Variants in AGBL4 observed in about 807,000 individuals in gnomAD.
The protein encoded by AGBL4 is AGBL carboxypeptidase 4, also known as cytosolic carboxypeptidase 6.
In AGBL4, 58 loss-of-function variants were observed where a neutral mutation model predicts 66.4. The ratio of observed to expected loss-of-function variants is 0.87; its 90% CI spans 0.71 to 1.09. The LOEUF is 1.09. AGBL4 is among the 50% of genes least tolerant of loss of function. The probability of loss-of-function intolerance (pLI) is 0.00; values close to 1 mark genes in which losing one functional copy is unlikely to be tolerated. For missense variants in AGBL4, 579 were observed against 631.0 expected, an observed-to-expected ratio of 0.92 and a Z score of 0.88; for synonymous variants, 234 against 222.9, an observed-to-expected ratio of 1.05 and a Z score of -0.44.
Position 49,584,023 on chromosome 1 carries a change from T to C in AGBL4, c.282+113290A>G, listed in dbSNP as rs1170719890. On this transcript the variant is annotated intron_variant, in intron 3 of 13. Coordinates refer to ENST00000371839, the MANE Select transcript of AGBL4 (RefSeq NM_032785.4). Reference sequence around the variant, plus strand: ...CATTTACTCCTTGTTCTCAGTACTCTTGTTGCCTTATTTTTTTCCTTCTCC... The same window carrying C: ...CATTTACTCCTTGTTCTCAGTACTCCTGTTGCCTTATTTTTTTCCTTCTCC... 2.0e-5 allele frequency among the ~76,000 whole-genome samples: 3 copies of C among 152,234 alleles called. No homozygotes were observed. The East Asian group carries it at 5.8e-4, about 29-fold the overall frequency.
At chr1:49,082,000 A>G (rs983224453) in intron 4 of AGBL4, among the ~76,000 whole-genome samples, 2 of 152,202 alleles carry the variant, frequency 1.3e-5, no homozygotes, top group African/African-American at 4.8e-5. Flanking sequence ...AAGGTAGAAA[A>G]CAAGATCAAT....
At chr1:49,283,998 A>G (rs1363684303) in intron 3 of AGBL4, among the ~76,000 whole-genome samples, 19 of 149,138 alleles carry the variant, frequency 1.3e-4, no homozygotes, top group African/African-American at 4.7e-4. Context: ...GCCAACGTTC[A>G]GATTCAGGAA....
intron 4 of AGBL4, among the ~76,000 whole-genome samples, chr1:49,122,749 T>G (rs1276826111): frequency 2.6e-5 from 4 of 152,210 alleles, no homozygotes; most frequent in Admixed American, 2.6e-4. Context: ...TAATCCTAAC[T>G]TTTAATGTTT....
chr1:48,777,448 C>T lies in AGBL4; in HGVS notation c.634+89743G>A, dbSNP rs113523844. 2.1e-3 allele frequency among the ~76,000 whole-genome samples: 312 copies of T among 152,168 alleles called. 5 individuals are homozygous for T. The highest frequency in any genetic ancestry group is 6.8e-3 in the African/African-American group (282 of 41,526). On this transcript the variant is annotated intron_variant, in intron 6 of 13. Coordinates refer to ENST00000371839, the MANE Select transcript of AGBL4 (RefSeq NM_032785.4). ...CGCCCCCAGCCCCGCACCCTCCCCG[C>T]GCCTTTCCCAGCCCTTAGTTTGGCC... is the stretch of plus-strand genomic sequence containing the variant.
In AGBL4 at chr1:48,825,406, C is replaced by A. The variant is rs184683380; in HGVS notation, c.634+41785G>T. On this transcript the variant is annotated intron_variant, in intron 6 of 13. Coordinates refer to ENST00000371839, the MANE Select transcript of AGBL4 (RefSeq NM_032785.4). ...CTCAGAAAAGCCCTCCTTGATATCC[C>A]AGCATAACTAGGACTTTGTGGCACA... Among the ~76,000 whole-genome samples the A allele has an allele frequency of 8.9e-4, 136 of 152,266 alleles. 1 individual carries two copies. Among genetic ancestry groups the A allele is most frequent in the African/African-American group, 3.0e-3 (126 of 41,532 alleles).
chr1:49,247,983 A>C (rs192600971), intron 3 of AGBL4, among the ~76,000 whole-genome samples: 1 of 152,254 alleles, frequency 6.6e-6, no homozygotes, highest in East Asian at 1.9e-4. Flanking sequence ...TACCTTCTCT[A>C]TAATATTACA....
At chr1:49,174,088 T>A (rs1646787824) in intron 4 of AGBL4, among the ~76,000 whole-genome samples, 1 of 152,104 alleles carries the variant, frequency 6.6e-6, no homozygotes, top group South Asian at 2.1e-4. Context: ...AAATAGTATA[T>A]TCTTTCAAAA....
At chr1:49,445,353 T>C (rs908556634) in intron 3 of AGBL4, among the ~76,000 whole-genome samples, 2 of 152,132 alleles carry the variant, frequency 1.3e-5, no homozygotes, top group African/African-American at 2.4e-5. Flanking sequence ...TGCCTGGGGA[T>C]CCCTAAATCT....
chr1:49,974,591 C>T (rs1051767813), intron 1 of AGBL4, among the ~76,000 whole-genome samples: 1 of 152,130 alleles, frequency 6.6e-6, no homozygotes, highest in African/African-American at 2.4e-5. Flanking sequence ...AAATCTGGTA[C>T]TGATGATCTA....
intron 3 of AGBL4, chr1:49,257,462 G>C (rs1191903946): frequency 6.5e-6 from 1 of 154,394 alleles, no homozygotes; most frequent in Admixed American, 6.5e-5. Context: ...CGTGAGCATA[G>C]GACTCTCCTA....
At chr1:49,118,903 A>G (rs1645591570) in intron 4 of AGBL4, among the ~76,000 whole-genome samples, 2 of 152,112 alleles carry the variant, frequency 1.3e-5, no homozygotes, top group African/African-American at 4.8e-5. Context: ...CAGAGATTCA[A>G]CTTCGTCTTG....
At chr1:49,576,529 T>A (rs1644439647) in intron 3 of AGBL4, among the ~76,000 whole-genome samples, 1 of 152,202 alleles carries the variant, frequency 6.6e-6, no homozygotes, top group Non-Finnish European at 1.5e-5. Flanking sequence ...TGGGCTTTGG[T>A]GGAAACTGAA....
intron 3 of AGBL4, among the ~76,000 whole-genome samples, chr1:49,577,126 T>C (rs1346639189): frequency 6.6e-6 from 1 of 152,212 alleles, no homozygotes; most frequent in Non-Finnish European, 1.5e-5. Flanking sequence ...ACAAGGTATG[T>C]GGATGGACAT....
intron 3 of AGBL4, among the ~76,000 whole-genome samples, chr1:49,461,840 G>A (rs567289435): frequency 2.6e-5 from 4 of 151,692 alleles, no homozygotes; most frequent in East Asian, 2.0e-4. Context: ...TTATGTATAC[G>A]TGTCACATTT....
intron 4 of AGBL4, among the ~76,000 whole-genome samples, chr1:49,119,395 G>C (rs1645604500): frequency 6.6e-6 from 1 of 152,124 alleles, no homozygotes; most frequent in African/African-American, 2.4e-5. Flanking sequence ...CTGGTACATT[G>C]TGTCTTTGTT....
intron 3 of AGBL4, among the ~76,000 whole-genome samples, chr1:49,594,108 C>G (rs1644805851): frequency 6.6e-6 from 1 of 152,072 alleles, no homozygotes; most frequent in East Asian, 1.9e-4. Context: ...ATGCAGGTTT[C>G]AAATCCTATG....
At chr1:48,546,448 C>T (rs926308128) in intron 11 of AGBL4, among the ~76,000 whole-genome samples, 1 of 152,112 alleles carries the variant, frequency 6.6e-6, no homozygotes, top group Non-Finnish European at 1.5e-5. Flanking sequence ...GGACAAAGAC[C>T]GGTCTTAAAG....
At chr1:49,601,801 T>C (rs1321278473) in intron 3 of AGBL4, among the ~76,000 whole-genome samples, 5 of 152,086 alleles carry the variant, frequency 3.3e-5, no homozygotes, top group Admixed American at 3.3e-4. Flanking sequence ...GGGCAAAGAC[T>C]TCATTACTAA....
At chr1:49,107,122 A>T (rs1645306874) in intron 4 of AGBL4, among the ~76,000 whole-genome samples, 1 of 152,122 alleles carries the variant, frequency 6.6e-6, no homozygotes, top group African/African-American at 2.4e-5. Flanking sequence ...ATATATACAG[A>T]CAGTCTTCAA....
Sources: allele counts gnomAD v4.1 joint callset (sites outside exome capture counted in the v4.1 genomes callset), GRCh38; gene constraint gnomAD v4.1.1; transcripts MANE v1.5; gene names NCBI Gene and HGNC (gene_info 2026-07-23, HGNC 2026-07-21).